The following BIN1 variants were observed in gnomAD, a reference collection of about 807,000 sequenced individuals.
BIN1 encodes myc box-dependent-interacting protein 1.
Under a neutral mutation model 82.0 loss-of-function variants are expected in BIN1, and 53 were observed. That is an observed-to-expected ratio of 0.65 (90% confidence interval 0.52 to 0.81). BIN1 has a LOEUF of 0.81. Ranked by LOEUF, BIN1 falls within the 40% of genes least tolerant of loss-of-function variation. The pLI, the probability that BIN1 is intolerant of heterozygous loss-of-function variation, is 0.00. For synonymous variants in BIN1, 302 were observed against 328.0 expected, an observed-to-expected ratio of 0.92 and a Z score of 0.86; for missense variants, 642 against 784.4, an observed-to-expected ratio of 0.82 and a Z score of 2.17.
chr2:127,081,185 G>A (rs1687251785), intron 1 of BIN1, among the ~76,000 whole-genome samples: 2 of 152,238 alleles, frequency 1.3e-5, no homozygotes, highest in Non-Finnish European at 2.9e-5. Context: ...CCAGAAGGAG[G>A]AAGGGTGCCC....
intron 1 of BIN1, among the ~76,000 whole-genome samples, chr2:127,101,336 G>A (rs1350492237): frequency 2.6e-5 from 4 of 152,154 alleles, no homozygotes; most frequent in Non-Finnish European, 4.4e-5. Flanking sequence ...CACCTGGGAC[G>A]GGAGCTGCCC....
chr2:127,103,391 C>G (rs767697137), intron 1 of BIN1, among the ~76,000 whole-genome samples: 1 of 152,194 alleles, frequency 6.6e-6, no homozygotes, highest in Non-Finnish European at 1.5e-5. Context: ...CTGCACCTTC[C>G]TTTAGCGAGC....
intron 8 of BIN1, 114 bp from the exon 9 acceptor site, chr2:127,063,760 G>A (rs1684801260): frequency 7.1e-7 from 1 of 1,411,942 alleles, no homozygotes; most frequent in Non-Finnish European, 9.9e-7. Flanking sequence ...AACCAGAGAG[G>A]GCCCAGGCAC....
intron 10 of BIN1, chr2:127,060,599 T>C (rs367585396): frequency 6.2e-7 from 1 of 1,614,034 alleles, no homozygotes; most frequent in Non-Finnish European, 8.5e-7. Context: ...CCGGTACCTG[T>C]TCTTCTTTCT....
Position 127,090,407 on chromosome 2 carries a change from T to A in BIN1, c.85-13701A>T, listed in dbSNP as rs554217162. ...GGGCATCAGTGACACAGGGCGACCC[T>A]CCACCACTTCAGTTGTGCTGGGTGG... is the stretch of plus-strand genomic sequence containing the variant. On this transcript the variant is annotated intron_variant, in intron 1 of 18. Coordinates refer to ENST00000316724, the MANE Select transcript of BIN1 (RefSeq NM_139343.3). The surrounding 1 kb of genome is among the most constrained non-coding windows in gnomAD (Gnocchi z 6.4). Among the ~76,000 whole-genome samples, 5 of 152,322 alleles carry A rather than the reference T, an allele frequency of 3.3e-5. No individual in the cohort carries two copies. Among genetic ancestry groups the A allele is most frequent in the Admixed American group, 6.5e-5 (1 of 15,304 alleles).
At chr2:127,052,133 T>C in intron 15 of BIN1, 122 bp downstream of exon 15, 1 of 1,075,968 alleles carries the variant, frequency 9.3e-7, no homozygotes, top group Non-Finnish European at 1.4e-6. Context: ...CAGGACCCTG[T>C]CCTCACCCTC....
intron 10 of BIN1, among the ~76,000 whole-genome samples, chr2:127,061,005 G>A (rs764911276): frequency 4.6e-5 from 7 of 152,138 alleles, no homozygotes; most frequent in Non-Finnish European, 8.8e-5. Flanking sequence ...TGCTGGAAGG[G>A]AGACTCCTGG....
intron 1 of BIN1, among the ~76,000 whole-genome samples, chr2:127,094,169 G>A (rs1489885056): frequency 6.6e-6 from 1 of 152,218 alleles, no homozygotes; most frequent in Non-Finnish European, 1.5e-5. Flanking sequence ...ACTTGGAGGG[G>A]GAGTAACTTG....
chr2:127,059,020 G>C lies in BIN1; in HGVS notation c.993C>G (p.Ser331=). The C allele has an allele frequency of 1.9e-6, 3 of 1,559,432 alleles. No individual in the cohort carries two copies. Among genetic ancestry groups the C allele is most frequent in the Non-Finnish European group, 2.6e-6 (3 of 1,151,348 alleles). The change falls in exon 11 of 19, where the codon TCC becomes TCG. Residue 331 remains serine (S), a synonymous_variant. Transcript: ENST00000316724. The surrounding 1 kb of genome is among the most constrained non-coding windows in gnomAD (Gnocchi z 6.7). The part of the protein sequence containing the change: ...GATPGATLPK[S]PSQLRKGPPV... ...AAGACATCACTCCTACCTGAGATGG[G>C]GACTTGGGGAGGGTGGCCCCGGGCG...
At chr2:127,072,933 G>A (rs1041527494) in intron 2 of BIN1, among the ~76,000 whole-genome samples, 30 of 152,176 alleles carry the variant, frequency 2.0e-4, no homozygotes, top group Admixed American at 1.9e-3. Context: ...GGATGCTATC[G>A]TGTCCTCTGA....
intron 12 of BIN1, chr2:127,056,274 C>G (rs940945145): frequency 2.0e-5 from 3 of 152,460 alleles, no homozygotes; most frequent in African/African-American, 7.2e-5. Flanking sequence ...CAGCAGCAAG[C>G]AGCCCTGGAG....
intron 2 of BIN1, among the ~76,000 whole-genome samples, chr2:127,074,739 G>A (rs1160531456): frequency 6.6e-6 from 1 of 152,148 alleles, no homozygotes; most frequent in African/African-American, 2.4e-5. Flanking sequence ...GTCTTGCTCT[G>A]TAGCCCAGGC....
chr2:127,048,130 AG>A lies in BIN1; in HGVS notation c.*395del. The A allele has an allele frequency of 6.5e-6, 2 of 309,838 alleles. No homozygotes were observed. Among genetic ancestry groups the A allele is most frequent in the Non-Finnish European group, 1.2e-5 (2 of 161,170 alleles). The allele number at this position is 309,838 out of a possible 1,614,324, so 19.2% of individuals were successfully genotyped here. ...ACCGTCTGCGGGGCAGAGCCAGGCT[AG>A]GCTGGTGTCTGGGCCCCACCCACAG... is the stretch of plus-strand genomic sequence containing the variant. On this transcript the variant is annotated 3_prime_UTR_variant, in exon 19 of 19. Transcript: ENST00000316724.
Position 127,068,373 on chromosome 2 carries a change from A to G in BIN1, c.520-118T>C. ...CGCCCCACGCGCGGGGGCCACCCCA[A>G]GCAGATATGGGCCCTTGAGGCCGAG... On this transcript the variant is annotated intron_variant, in intron 6 of 18. Coordinates refer to ENST00000316724, the MANE Select transcript of BIN1 (RefSeq NM_139343.3). This position sits in a 1 kb window ranked among gnomAD's most constrained non-coding sequence, Gnocchi z 4.9. 1.4e-6 allele frequency: 1 copy of G among 703,862 alleles called. No individual in the cohort carries two copies. Among genetic ancestry groups the G allele is most frequent in the South Asian group, 1.7e-5 (1 of 59,274 alleles). 43.6% of individuals were successfully genotyped at this position (703,862 alleles called of 1,614,324 possible).
intron 7 of BIN1, among the ~76,000 whole-genome samples, chr2:127,064,562 G>A (rs887306331): frequency 6.6e-6 from 1 of 152,208 alleles, no homozygotes; most frequent in South Asian, 2.1e-4. Flanking sequence ...CCCAGGGATG[G>A]TCCTTCCCAC....
rs544099052 is a variant in BIN1 at position 127,074,762 on chromosome 2, G to A, written c.165+1864C>T. Among the ~76,000 whole-genome samples, 7 of 152,288 alleles carry A rather than the reference G, an allele frequency of 4.6e-5. No homozygotes were observed. In the South Asian group the frequency reaches 6.2e-4, roughly 14 times the overall value. Reference sequence around the variant, plus strand: ...CTGTAGCCCAGGCTGGAGTCCAGTGGCATGATCTCGGCCCACCGCAACCTC... The same window carrying A: ...CTGTAGCCCAGGCTGGAGTCCAGTGACATGATCTCGGCCCACCGCAACCTC... On this transcript the variant is annotated intron_variant, in intron 2 of 18. Coordinates refer to ENST00000316724, the MANE Select transcript of BIN1 (RefSeq NM_139343.3).
Position 127,048,374 on chromosome 2 carries a change from C to T in BIN1, c.*152G>A. ...GCGGCTCTTTGGAAAACGACCTAATCTTTGGGAGAACGCCCCTCTGCCTGG... is the reference window on the plus strand; with the variant it reads ...GCGGCTCTTTGGAAAACGACCTAATTTTTGGGAGAACGCCCCTCTGCCTGG... On this transcript the variant is annotated 3_prime_UTR_variant, in exon 19 of 19. Coordinates refer to ENST00000316724, the MANE Select transcript of BIN1 (RefSeq NM_139343.3). 1.4e-6 allele frequency: 1 copy of T among 723,056 alleles called. No individual in the cohort carries two copies. Among genetic ancestry groups the T allele is most frequent in the Non-Finnish European group, 2.3e-6 (1 of 431,496 alleles). The allele number at this position is 723,056 out of a possible 1,614,324, so 44.8% of individuals were successfully genotyped here.
chr2:127,070,109 C>T lies in BIN1; in HGVS notation c.316-19G>A, dbSNP rs369840788. On this transcript the variant is annotated intron_variant, in intron 4 of 18. Coordinates refer to ENST00000316724, the MANE Select transcript of BIN1 (RefSeq NM_139343.3). ...CGTTGTTCTGAGACAGGCAAGAGCA[C>T]GACAGTGCCACCAGGAGGGCTGGGC... is the stretch of plus-strand genomic sequence containing the variant. 2.9e-4 allele frequency: 473 copies of T among 1,610,456 alleles called. 4 individuals are homozygous for T. In the South Asian group the frequency reaches 3.1e-3, roughly 11 times the overall value.
At chr2:127,105,809 G>A (rs752552722) in intron 1 of BIN1, among the ~76,000 whole-genome samples, 18 of 152,220 alleles carry the variant, frequency 1.2e-4, no homozygotes, top group Non-Finnish European at 1.8e-4. Context: ...CGCGCAGCGG[G>A]TGGGAGAGGG....
Sources: gnomAD v4.1 joint callset for allele counts (sites outside exome capture counted in the v4.1 genomes callset) on GRCh38, gnomAD v4.1.1 for gene constraint, Gnocchi (gnomAD v3.1) non-coding constraint, MANE v1.5 for transcripts, NCBI Gene and HGNC (gene_info 2026-07-23, HGNC 2026-07-21) for gene names.